GNL1: variants seen among roughly 807,000 people sequenced by gnomAD.
The protein encoded by GNL1 is guanine nucleotide-binding protein-like 1.
GNL1 carries 21 observed loss-of-function variants against 75.2 expected under a neutral mutation model. The observed-to-expected ratio is 0.28, with a 90% confidence interval of 0.20 to 0.40. GNL1 has a LOEUF of 0.40. Among genes scored for constraint, GNL1 ranks in the 10% least tolerant of loss-of-function variants. The pLI is 1.00. For missense variants in GNL1, 579 were observed against 775.0 expected (o/e 0.75, Z 3.00); for synonymous variants, 287 against 303.4 (o/e 0.95, Z 0.56).
rs1216099177 is a variant in GNL1 at position 30,555,241 on chromosome 6, T to C, written c.240-50A>G. ...CCAGAGCAATCCTGTGGCCACAAAC[T>C]CCTATTTTCTCCCCTCTTGTACAAT... On this transcript the variant is annotated intron_variant, in intron 2 of 11. Coordinates refer to ENST00000376621, the MANE Select transcript of GNL1 (RefSeq NM_005275.5). This position sits in a 1 kb window ranked among gnomAD's most constrained non-coding sequence, Gnocchi z 4.3. 1 of 1,606,466 alleles carries C rather than the reference T, an allele frequency of 6.2e-7. No individual in the cohort carries two copies. The highest frequency in any genetic ancestry group is 8.5e-7 in the Non-Finnish European group (1 of 1,174,662).
chr6:30,541,584 G>A lies in GNL1; in HGVS notation c.*4488C>T, dbSNP rs934321200. 2.0e-5 allele frequency: 3 copies of A among 152,200 alleles called. No individual in the cohort carries two copies. In the South Asian group the frequency reaches 6.2e-4, roughly 31 times the overall value. 9.4% of individuals were successfully genotyped at this position (152,200 alleles called of 1,614,324 possible). ...AGGCAATTTCAGAGTGCTTCAAGATGAAGGCGCAAAGCAGCCTCTCAGCCT... is the reference window on the plus strand; with the variant it reads ...AGGCAATTTCAGAGTGCTTCAAGATAAAGGCGCAAAGCAGCCTCTCAGCCT... On this transcript the variant is annotated 3_prime_UTR_variant, in exon 12 of 12. Coordinates refer to ENST00000376621, the MANE Select transcript of GNL1 (RefSeq NM_005275.5).
chr6:30,552,746 T>A lies in GNL1; in HGVS notation c.905-85A>T. On this transcript the variant is annotated intron_variant, in intron 7 of 11. Transcript: ENST00000376621. This position sits in a 1 kb window ranked among gnomAD's most constrained non-coding sequence, Gnocchi z 4.5. Reference sequence around the variant, plus strand: ...CATACTGTGCCCTGCACAGATTATGTAACTGGCACCCTCTGGAGTTGTACA... The same window carrying A: ...CATACTGTGCCCTGCACAGATTATGAAACTGGCACCCTCTGGAGTTGTACA... 1.6e-6 allele frequency: 2 copies of A among 1,232,852 alleles called. No homozygotes were observed. The highest frequency in any genetic ancestry group is 2.3e-6 in the Non-Finnish European group (2 of 875,214). The allele number at this position is 1,232,852 out of a possible 1,614,324, so 76.4% of individuals were successfully genotyped here.
chr6:30,546,278 C>T lies in GNL1; in HGVS notation c.1618G>A (p.Val540Met), dbSNP rs373702144. The change falls in exon 12 of 12, where the codon GTG becomes ATG. Residue 540 changes from valine (V) to methionine (M), a missense_variant. Coordinates refer to ENST00000376621, the MANE Select transcript of GNL1 (RefSeq NM_005275.5). The surrounding 1 kb of genome is among the most constrained non-coding windows in gnomAD (Gnocchi z 5.1). The stretch of plus-strand genomic sequence containing the variant: ...GGCCCCACCCTGCCCTGCAAAACCA[C>T]CAGCTCCGTGGTCTCTGGATGGGAC... ...WESHPETTEL[V>M]VLQGRVGPAG... 1 of 1,596,224 alleles carries T rather than the reference C, an allele frequency of 6.3e-7. No individual in the cohort carries two copies. The highest frequency in any genetic ancestry group is 8.5e-7 in the Non-Finnish European group (1 of 1,172,108).
chr6:30,551,904 C>T (rs1054038749), intron 8 of GNL1, among the ~76,000 whole-genome samples: 2 of 152,114 alleles, frequency 1.3e-5, no homozygotes, highest in Non-Finnish European at 2.9e-5. Context: ...TCTCTATCAG[C>T]CAGGCTGGAG....
Position 30,547,409 on chromosome 6 carries a change from C to A in GNL1, c.1221G>T (p.Val407=), listed in dbSNP as rs1799518722. ...TGAGGCCTGGGCAGTCACAGAGCTT[C>A]ACAGAGGGGGTAAGAAAGTAGGTCT... ...YFQTYFLTPS[V]KLCDCPGLIF... The change falls in exon 9 of 12, where the codon GTG becomes GTT. Residue 407 remains valine, a synonymous_variant. Coordinates refer to ENST00000376621, the MANE Select transcript of GNL1 (RefSeq NM_005275.5). The surrounding 1 kb of genome is among the most constrained non-coding windows in gnomAD (Gnocchi z 5.5). 6.2e-7 allele frequency: 1 copy of A among 1,613,964 alleles called. No homozygotes were observed. The highest frequency in any genetic ancestry group is 8.5e-7 in the Non-Finnish European group (1 of 1,179,942).
Position 30,556,333 on chromosome 6 carries a change from G to A in GNL1, c.-130C>T. 3 of 1,039,076 alleles carry A rather than the reference G, an allele frequency of 2.9e-6. No individual in the cohort carries two copies. Among genetic ancestry groups the A allele is most frequent in the South Asian group, 1.4e-5 (1 of 73,164 alleles). 64.4% of individuals were successfully genotyped at this position (1,039,076 alleles called of 1,614,324 possible). A position where few individuals can be genotyped will look rare whatever the true frequency, so the allele number is the denominator to read the frequency against. On this transcript the variant is annotated 5_prime_UTR_variant, in exon 1 of 12. Transcript: ENST00000376621. The surrounding 1 kb of genome is among the most constrained non-coding windows in gnomAD (Gnocchi z 5.7). ...GCGGGGCTAGCAGGTGACGTCAGCGGGCGGGCCCGACAGAATTACCGCCGC... is the reference window on the plus strand; with the variant it reads ...GCGGGGCTAGCAGGTGACGTCAGCGAGCGGGCCCGACAGAATTACCGCCGC...
chr6:30,543,731 G>C lies in GNL1; in HGVS notation c.*2341C>G, dbSNP rs1363958869. The C allele has an allele frequency of 6.6e-6, 1 of 152,118 alleles. No homozygotes were observed. Among genetic ancestry groups the C allele is most frequent in the Non-Finnish European group, 1.5e-5 (1 of 68,030 alleles). The allele number at this position is 152,118 out of a possible 1,614,324, so 9.4% of individuals were successfully genotyped here. On this transcript the variant is annotated 3_prime_UTR_variant, in exon 12 of 12. Transcript: ENST00000376621. The stretch of plus-strand genomic sequence containing the variant: ...ACCAATTTTTGTTGACTGTATCAAT[G>C]ATTGTAAGAAGTGAACAAAGGGCCA...
In GNL1 at chr6:30,555,983, G is replaced by T. The variant is rs1800148677; in HGVS notation, c.73+148C>A. 2.0e-6 allele frequency: 2 copies of T among 1,001,532 alleles called. No individual in the cohort carries two copies. Among genetic ancestry groups the T allele is most frequent in the Admixed American group, 2.1e-5 (1 of 48,696 alleles). The allele number at this position is 1,001,532 out of a possible 1,614,324, so 62.0% of individuals were successfully genotyped here. The stretch of plus-strand genomic sequence containing the variant: ...CCCCACCCCTTCCAGATGTAGGGGG[G>T]GTGGGGGATCCCCTCCGCGATAGGC... On this transcript the variant is annotated intron_variant, in intron 1 of 11. Transcript: ENST00000376621. This position sits in a 1 kb window ranked among gnomAD's most constrained non-coding sequence, Gnocchi z 4.3.
rs1799194573 is a variant in GNL1, at chr6:30,541,969, C to G, written c.*4103G>C. On this transcript the variant is annotated 3_prime_UTR_variant, in exon 12 of 12. Transcript: ENST00000376621. ...AAGCCCCACCTTCCAGCATTTTCAC[C>G]TTTCTCCTTCACTTGATCCTTCTTC... 1 of 152,296 alleles carries G rather than the reference C, an allele frequency of 6.6e-6. No homozygotes were observed. Among genetic ancestry groups the G allele is most frequent in the Non-Finnish European group, 1.5e-5 (1 of 68,084 alleles). The allele number at this position is 152,296 out of a possible 1,614,324, so 9.4% of individuals were successfully genotyped here. A position where few individuals can be genotyped will look rare whatever the true frequency, so the allele number is the denominator to read the frequency against.
Position 30,541,518 on chromosome 6 carries a change from C to G in GNL1, c.*4554G>C, listed in dbSNP as rs970355542. ...AAATCAAAGTAGAAGCTAAACTATT[C>G]AGAAGCAGTAGCAACTCCATGATTC... On this transcript the variant is annotated 3_prime_UTR_variant, in exon 12 of 12. Coordinates refer to ENST00000376621, the MANE Select transcript of GNL1 (RefSeq NM_005275.5). 3 of 152,182 alleles carry G rather than the reference C, an allele frequency of 2.0e-5. No homozygotes were observed. The highest frequency in any genetic ancestry group is 4.4e-5 in the Non-Finnish European group (3 of 68,044). 9.4% of individuals were successfully genotyped at this position (152,182 alleles called of 1,614,324 possible).
chr6:30,546,990 G>A lies in GNL1; in HGVS notation c.1441+122C>T. The A allele has an allele frequency of 1.8e-6, 2 of 1,119,454 alleles. No homozygotes were observed. The highest frequency in any genetic ancestry group is 2.7e-6 in the Non-Finnish European group (2 of 745,476). 69.3% of individuals were successfully genotyped at this position (1,119,454 alleles called of 1,614,324 possible). A position where few individuals can be genotyped will look rare whatever the true frequency, so the allele number is the denominator to read the frequency against. On this transcript the variant is annotated intron_variant, in intron 10 of 11. Transcript: ENST00000376621. This position sits in a 1 kb window ranked among gnomAD's most constrained non-coding sequence, Gnocchi z 5.1. ...ACAAAAATCTAGGGGTGAGTGGACA[G>A]CAGCTTCATCAATGGCAGAATCTCT...
At position 30,555,175 on chromosome 6, in the gene GNL1, C is replaced by T; in HGVS notation, c.256G>A (p.Glu86Lys). 1 of 1,613,054 alleles carries T rather than the reference C, an allele frequency of 6.2e-7. No homozygotes were observed. The highest frequency in any genetic ancestry group is 8.5e-7 in the Non-Finnish European group (1 of 1,180,024). The change falls in exon 3 of 12, where the codon GAG becomes AAG. Residue 86 changes from glutamate to lysine, a missense_variant. Coordinates refer to ENST00000376621, the MANE Select transcript of GNL1 (RefSeq NM_005275.5). This position sits in a 1 kb window ranked among gnomAD's most constrained non-coding sequence, Gnocchi z 4.3. ...TCTACCTCCTCCCTGCTGTCTCTCT[C>T]AAAATGCAGTCGGTATCTAAGGGAA... ...YDPNRYRLHF[E>K]RDSREEVERR...
In GNL1 at chr6:30,547,150, G is replaced by A. The variant is rs142136936; in HGVS notation, c.1403C>T (p.Ser468Leu). 4 of 1,612,864 alleles carry A rather than the reference G, an allele frequency of 2.5e-6. No homozygotes were observed. Among genetic ancestry groups the A allele is most frequent in the Non-Finnish European group, 2.5e-6 (3 of 1,179,920 alleles). The change falls in exon 10 of 12, where the codon TCA (serine) becomes TTA (leucine). Residue 468 changes from serine (S) to leucine (L), a missense_variant. Coordinates refer to ENST00000376621, the MANE Select transcript of GNL1 (RefSeq NM_005275.5). The surrounding 1 kb of genome is among the most constrained non-coding windows in gnomAD (Gnocchi z 5.5). The stretch of plus-strand genomic sequence containing the variant: ...CCAGGCACACCAGGGGTGTTCCGCT[G>A]AGGGGTCCTCAGCCTCTGGGTGGCG... ...HLRHPEAEDPSAEHPWCAWDI... is the reference protein window; with the variant it reads ...HLRHPEAEDPLAEHPWCAWDI...
In GNL1 at chr6:30,552,438, C is replaced by G. The variant is rs60791005; in HGVS notation, c.1099+29G>C. ...TGAAAACTCTGTACCTCCTTGGAGG[C>G]CACCACGCACAAGCTGCCACTTCCT... On this transcript the variant is annotated intron_variant, in intron 8 of 11. Transcript: ENST00000376621. This position sits in a 1 kb window ranked among gnomAD's most constrained non-coding sequence, Gnocchi z 4.5. 6,202 of 1,580,538 alleles carry G rather than the reference C, an allele frequency of 3.9e-3. 134 individuals carry two copies. In the African/African-American group the frequency reaches 0.055, roughly 14 times the overall value.
Position 30,555,491 on chromosome 6 carries a change from C to T in GNL1, c.239+64G>A. 6.7e-7 allele frequency: 1 copy of T among 1,490,944 alleles called. No homozygotes were observed. Among genetic ancestry groups the T allele is most frequent in the Non-Finnish European group, 9.2e-7 (1 of 1,087,574 alleles). 92.4% of individuals were successfully genotyped at this position (1,490,944 alleles called of 1,614,324 possible). On this transcript the variant is annotated intron_variant, in intron 2 of 11. Coordinates refer to ENST00000376621, the MANE Select transcript of GNL1 (RefSeq NM_005275.5). This position sits in a 1 kb window ranked among gnomAD's most constrained non-coding sequence, Gnocchi z 4.3. The stretch of plus-strand genomic sequence containing the variant: ...GTCTTCACCAGTAGCAGCCCGCTTT[C>T]CCCCAAAGCTCTGACTTCCGGGTAG...
At position 30,553,459 on chromosome 6, in the gene GNL1, A is replaced by G. The variant is rs1799926365; in HGVS notation, c.699T>C (p.Ala233=). The G allele has an allele frequency of 6.2e-7, 1 of 1,612,972 alleles. No homozygotes were observed. ...VLNKVDLAPP[A]LVVAWKHYFH... ...AATAATGCTTCCAGGCAACCACAAGAGCTGGCGGGGCCAGATCCACCTTGT... is the reference window on the plus strand; with the variant it reads ...AATAATGCTTCCAGGCAACCACAAGGGCTGGCGGGGCCAGATCCACCTTGT... The change falls in exon 6 of 12, where the codon GCT becomes GCC. Residue 233 remains alanine, a synonymous_variant. Transcript: ENST00000376621.
chr6:30,556,095 C>T lies in GNL1; in HGVS notation c.73+36G>A. ...CCCCTCCTTCCAGATGTGCGGAAGC[C>T]CGAGCCCCGCCCCCTCCTCCCGCTC... is the stretch of plus-strand genomic sequence containing the variant. On this transcript the variant is annotated intron_variant, in intron 1 of 11. Transcript: ENST00000376621. This position sits in a 1 kb window ranked among gnomAD's most constrained non-coding sequence, Gnocchi z 5.7. The T allele has an allele frequency of 6.3e-7, 1 of 1,594,562 alleles. No homozygotes were observed. The highest frequency in any genetic ancestry group is 8.5e-7 in the Non-Finnish European group (1 of 1,174,190).
Position 30,546,140 on chromosome 6 carries a change from T to G in GNL1, c.1756A>C (p.Thr586Pro), listed in dbSNP as rs778090797. Residue 586 changes from threonine (T) to proline (P), a missense_variant, in exon 12 of 12, where the codon ACC becomes CCC. Thr to Pro is a conservative substitution (Grantham distance 38). Transcript: ENST00000376621. The surrounding 1 kb of genome is among the most constrained non-coding windows in gnomAD (Gnocchi z 5.1). ...EEGEGDEETP[T>P]SAPGSSLAGR... ...GCCAGGCTGGACCCTGGAGCCGAGG[T>G]TGGGGTCTCCTCATCCCCTTCTCCC... 1 of 1,569,640 alleles carries G rather than the reference T, an allele frequency of 6.4e-7. No individual in the cohort carries two copies. Among genetic ancestry groups the G allele is most frequent in the Non-Finnish European group, 8.6e-7 (1 of 1,157,352 alleles).
In GNL1 at chr6:30,555,894, G is replaced by A; in HGVS notation, c.74-174C>T. On this transcript the variant is annotated intron_variant, in intron 1 of 11. Transcript: ENST00000376621. This position sits in a 1 kb window ranked among gnomAD's most constrained non-coding sequence, Gnocchi z 4.3. The stretch of plus-strand genomic sequence containing the variant: ...TGCGTGGGGGGAGTCACTCCTTCAG[G>A]GAGCAGTGGGGACGGCGCCCCGTGC... The A allele has an allele frequency of 1.3e-6, 1 of 797,848 alleles. No individual in the cohort carries two copies. The highest frequency in any genetic ancestry group is 2.0e-6 in the Non-Finnish European group (1 of 503,252). The allele number at this position is 797,848 out of a possible 1,614,324, so 49.4% of individuals were successfully genotyped here.
Sources: allele counts gnomAD v4.1 joint callset (sites outside exome capture counted in the v4.1 genomes callset), GRCh38; gene constraint gnomAD v4.1.1; non-coding constraint Gnocchi (gnomAD v3.1); transcripts MANE v1.5; gene names NCBI Gene and HGNC (gene_info 2026-07-23, HGNC 2026-07-21).